MICALL2: variants seen among roughly 807,000 people sequenced by gnomAD.
MICALL2 encodes the protein MICAL like 2, also known as MICAL-like protein 2.
A neutral mutation model predicts 91.1 loss-of-function variants in MICALL2; 111 were observed. The observed-to-expected ratio is 1.22, with a 90% CI of 1.04 to 1.43. The LOEUF is 1.43. MICALL2 is among the 40% of genes most tolerant of loss of function. MICALL2 has a pLI of 0.00. For missense variants in MICALL2, 1,556 were observed against 1,236.0 expected (o/e 1.26, Z -3.88); for synonymous variants, 694 against 525.3 (o/e 1.32, Z -4.39).
In MICALL2 at chr7:1,434,453, C is replaced by CCCGAGTCCAAGTCCGAATG. The variant is rs747695611; in HGVS notation, c.*124_*142dup. 8.6e-4 allele frequency: 645 copies of CCCGAGTCCAAGTCCGAATG among 746,390 alleles called. 1 individual carries two copies. Among genetic ancestry groups the CCCGAGTCCAAGTCCGAATG allele is most frequent in the South Asian group, 1.4e-3 (96 of 68,880 alleles). 46.2% of individuals were successfully genotyped at this position (746,390 alleles called of 1,614,324 possible). A position where few individuals can be genotyped will look rare whatever the true frequency, so the allele number is the denominator to read the frequency against. On this transcript the variant is annotated 3_prime_UTR_variant, in exon 17 of 17. Transcript: ENST00000297508. ...CCCCTTGTAGGGACAGGAGGCCCTT[C>CCCGAGTCCAAGTCCGAATG]CCGAGTCCAAGTCCGAATGCCGGGT...
chr7:1,447,481 G>A (rs904580181), intron 4 of MICALL2, 94 bp downstream of exon 4: 14 of 763,572 alleles, frequency 1.8e-5, no homozygotes, highest in Admixed American at 9.1e-5. Flanking sequence ...TCTGGGTCCC[G>A]TGGCTTAGGG....
At chr7:1,456,132 A>AGCCAGGG (rs1402308429) in intron 1 of MICALL2, among the ~76,000 whole-genome samples, 2 of 151,938 alleles carry the variant, frequency 1.3e-5, no homozygotes, top group Non-Finnish European at 1.5e-5. Context: ...ACGTCCAAAG[A>AGCCAGGG]GCCAGGGGCC....
In MICALL2 at chr7:1,442,292, C is replaced by A; in HGVS notation, c.1611G>T (p.Arg537Ser). 6.2e-7 allele frequency: 1 copy of A among 1,613,108 alleles called. No individual in the cohort carries two copies. The highest frequency in any genetic ancestry group is 8.5e-7 in the Non-Finnish European group (1 of 1,179,938). Residue 537 changes from arginine (R) to serine (S), a missense_variant, in exon 7 of 17, where the codon AGG (arginine) becomes AGT (serine). Transcript: ENST00000297508. ...QASALPPAGR[R>S]NLAESSGVGR... ...CGACCCCTGAGGATTCCGCCAAGTT[C>A]CTCCTGCCTGCCGGGGGCAACGCGG...
Position 1,438,237 on chromosome 7 carries a change from G to C in MICALL2, c.2188-17C>G. On this transcript the variant is annotated splice_polypyrimidine_tract_variant and intron_variant, in intron 11 of 16. Transcript: ENST00000297508. ...GGGGTGCAGCTGGGAACGGAGGGGC[G>C]GTGAGGATGCCGGAGGGCTGGGCCC... 6.3e-7 allele frequency: 1 copy of C among 1,589,444 alleles called. No individual in the cohort carries two copies.
At chr7:1,446,689 C>T (rs760015690) in intron 5 of MICALL2, 24 bp downstream of exon 5, 9 of 1,517,440 alleles carry the variant, frequency 5.9e-6, no homozygotes, top group Middle Eastern at 2.3e-4. Flanking sequence ...CACACTCAGG[C>T]GTGCGGGCAG....
At chr7:1,443,883 C>T (rs1053112297) in intron 6 of MICALL2, among the ~76,000 whole-genome samples, 1 of 152,180 alleles carries the variant, frequency 6.6e-6, no homozygotes, top group Non-Finnish European at 1.5e-5. Context: ...TGATGCAGCG[C>T]CCCCCTCTAC....
chr7:1,434,981 A>ACCCCCCCCCCCCCCC, intron 16 of MICALL2, 120 bp downstream of exon 16: 4 of 372,302 alleles, frequency 1.1e-5, no homozygotes, highest in South Asian at 2.0e-5. Context: ...GGGACCCGAT[A>ACCCCCCCCCCCCCCC]CCCGCCCCCC....
At chr7:1,446,928 G>C (rs540491554) in intron 4 of MICALL2, 100 bp from the exon 5 acceptor site, 2 of 856,134 alleles carry the variant, frequency 2.3e-6, no homozygotes, top group African/African-American at 3.5e-5. Context: ...TACAGATGGA[G>C]AACTGGCCAG....
chr7:1,458,524 G>A (rs918026801), intron 1 of MICALL2, among the ~76,000 whole-genome samples: 23 of 152,238 alleles, frequency 1.5e-4, no homozygotes, highest in African/African-American at 5.3e-4. Flanking sequence ...CCAGGCTCGG[G>A]CCAAGATTCA....
chr7:1,447,803 C>T (rs750643204), intron 3 of MICALL2, 38 bp from the exon 4 acceptor site: 3 of 1,446,828 alleles, frequency 2.1e-6, no homozygotes, highest in African/African-American at 1.4e-5. Flanking sequence ...GGTCCCAGGC[C>T]TGGCTCTGAA....
chr7:1,441,982 G>C (rs1780302426), intron 7 of MICALL2: 1 of 632,316 alleles, frequency 1.6e-6, no homozygotes, highest in Non-Finnish European at 2.7e-6. Flanking sequence ...CCGGCAAACA[G>C]CATAGCCCTG....
At position 1,445,218 on chromosome 7, in the gene MICALL2, C is replaced by G; in HGVS notation, c.852G>C (p.Pro284=). ...QKAQEANKAR[P]SAWEPAAGNS... ...TGCCCGCAGCAGGCTCCCAGGCCGA[C>G]GGTCTGGCCTTGTTTGCCTCCTGGG... is the stretch of plus-strand genomic sequence containing the variant. Residue 284 remains proline, a synonymous_variant, in exon 6 of 17, where the codon CCG becomes CCC. Transcript: ENST00000297508. 6.2e-7 allele frequency: 1 copy of G among 1,607,558 alleles called. No homozygotes were observed. The highest frequency in any genetic ancestry group is 8.5e-7 in the Non-Finnish European group (1 of 1,177,766).
intron 9 of MICALL2, chr7:1,439,654 G>C: frequency 2.6e-6 from 1 of 380,782 alleles, no homozygotes; most frequent in East Asian, 4.0e-5. Context: ...ACGTGCACAT[G>C]CATCACACAC....
intron 1 of MICALL2, among the ~76,000 whole-genome samples, chr7:1,458,497 T>C (rs979695628): frequency 5.3e-5 from 8 of 152,212 alleles, no homozygotes; most frequent in African/African-American, 1.9e-4. Flanking sequence ...GCTGAGTGAA[T>C]AAACAATGGA....
At chr7:1,456,749 C>T (rs1171072713) in intron 1 of MICALL2, among the ~76,000 whole-genome samples, 1 of 152,094 alleles carries the variant, frequency 6.6e-6, no homozygotes, top group Non-Finnish European at 1.5e-5. Context: ...CCAGCCTGGG[C>T]GACAGAGCGA....
rs1562460083 is a variant in MICALL2 at position 1,445,300 on chromosome 7, G to C, written c.770C>G (p.Pro257Arg). 1 of 1,612,050 alleles carries C rather than the reference G, an allele frequency of 6.2e-7. No individual in the cohort carries two copies. The highest frequency in any genetic ancestry group is 8.5e-7 in the Non-Finnish European group (1 of 1,179,810). Reference protein sequence around the residue: ...SASPKLTGLVPRQPGAMGVDS... With the variant: ...SASPKLTGLVRRQPGAMGVDS... ...CACACCCATGGCCCCTGGCTGTCGG[G>C]GGACCAGACCCGTCAACTTGGGGCT... The change falls in exon 6 of 17, where the codon CCC becomes CGC. Residue 257 changes from proline to arginine, a missense_variant. Coordinates refer to ENST00000297508, the MANE Select transcript of MICALL2 (RefSeq NM_182924.4).
At chr7:1,454,664 C>T (rs1780950865) in intron 1 of MICALL2, among the ~76,000 whole-genome samples, 1 of 152,216 alleles carries the variant, frequency 6.6e-6, no homozygotes, top group South Asian at 2.1e-4. Context: ...GAACAGAAGG[C>T]CTCTGTCCAC....
chr7:1,453,305 T>G (rs1178433742), intron 1 of MICALL2, among the ~76,000 whole-genome samples: 1 of 152,098 alleles, frequency 6.6e-6, no homozygotes, highest in Non-Finnish European at 1.5e-5. Context: ...GTCCCATGGC[T>G]GGTGTCCTCA....
chr7:1,436,912 G>A lies in MICALL2; in HGVS notation c.2477-56C>T, dbSNP rs1321305084. On this transcript the variant is annotated intron_variant, in intron 14 of 16. Transcript: ENST00000297508. ...CCCCACCACTGCCATGCCCCTCACA[G>A]GACACAATGTCCCCACCACCCAAGC... is the stretch of plus-strand genomic sequence containing the variant. 3.1e-6 allele frequency: 4 copies of A among 1,305,234 alleles called. No individual in the cohort carries two copies. In the Admixed American group the frequency reaches 7.7e-5, roughly 25 times the overall value. The allele number at this position is 1,305,234 out of a possible 1,614,324, so 80.9% of individuals were successfully genotyped here. A position where few individuals can be genotyped will look rare whatever the true frequency, so the allele number is the denominator to read the frequency against.
Sources: allele counts gnomAD v4.1 joint callset (sites outside exome capture counted in the v4.1 genomes callset), GRCh38; gene constraint gnomAD v4.1.1; transcripts MANE v1.5; gene names NCBI Gene and HGNC (gene_info 2026-07-23, HGNC 2026-07-21).